Variants in AGMO observed in about 807,000 individuals in gnomAD.
AGMO encodes alkylglycerol monooxygenase.
In AGMO, 75 loss-of-function variants were observed where a neutral mutation model predicts 60.2. The ratio of observed to expected loss-of-function variants is 1.25; its 90% CI spans 1.03 to 1.51. AGMO has a LOEUF of 1.51. AGMO is among the 40% of genes most tolerant of loss of function. The pLI is 0.00. For synonymous variants in AGMO, 261 were observed against 177.1 expected (o/e 1.47, Z -3.76); for missense variants, 763 against 525.5 (o/e 1.45, Z -4.42).
At position 15,322,609 on chromosome 7, in the gene AGMO, TATAAATATATAAATATATATAA is replaced by T. The variant is rs1563086537; in HGVS notation, c.1263+42883_1263+42904del. Among the ~76,000 whole-genome samples the T allele has an allele frequency of 5.3e-4, 33 of 62,220 alleles. 5 individuals are homozygous for T. Among genetic ancestry groups the T allele is most frequent in the African/African-American group, 1.8e-3 (18 of 10,110 alleles). The allele number at this position is 62,220 out of a possible 152,430, so 40.8% of individuals were successfully genotyped here. On this transcript the variant is annotated intron_variant, in intron 12 of 12. Coordinates refer to ENST00000342526, the MANE Select transcript of AGMO (RefSeq NM_001004320.2). ...AAATATATAAATATATATAAATATATATAAATATATAAATATATATAAATATATATAAATATATAAATATATA... is the reference window on the plus strand; with the variant it reads ...AAATATATAAATATATATAAATATATATATATATAAATATATAAATATATA...
chr7:15,518,069 C>A (rs1183252100), intron 3 of AGMO, among the ~76,000 whole-genome samples: 3 of 152,146 alleles, frequency 2.0e-5, no homozygotes, highest in Non-Finnish European at 4.4e-5. Flanking sequence ...CTGGGCGGAG[C>A]CTACCGCAGC....
chr7:15,313,109 A>G (rs1323175660), intron 12 of AGMO, among the ~76,000 whole-genome samples: 3 of 152,338 alleles, frequency 2.0e-5, no homozygotes, highest in African/African-American at 7.2e-5. Context: ...AAACATAACT[A>G]AGATCAATGT....
intron 6 of AGMO, among the ~76,000 whole-genome samples, chr7:15,393,394 T>C (rs1784229967): frequency 6.6e-6 from 1 of 152,252 alleles, no homozygotes; most frequent in African/African-American, 2.4e-5. Flanking sequence ...TTCATGCCCT[T>C]GCATGTAGCA....
intron 3 of AGMO, among the ~76,000 whole-genome samples, chr7:15,494,247 C>T (rs568451485): frequency 6.6e-6 from 1 of 152,256 alleles, no homozygotes; most frequent in African/African-American, 2.4e-5. Context: ...AATAGAGGCT[C>T]ATCAAAATGA....
At chr7:15,143,915 C>A in the AGMO span, among the ~76,000 whole-genome samples, 3 of 152,056 alleles carry the variant, frequency 2.0e-5, no homozygotes, top group Non-Finnish European at 4.4e-5. Context: ...AGCCAGCGCA[C>A]TGTACATTTC....
chr7:15,271,141 T>C (rs1001430141), intron 12 of AGMO, among the ~76,000 whole-genome samples: 4 of 152,186 alleles, frequency 2.6e-5, no homozygotes, highest in African/African-American at 7.2e-5. Flanking sequence ...AGGACTGCTT[T>C]GGCTATTTTG....
At chr7:15,422,397 G>A (rs10274118) in intron 4 of AGMO, among the ~76,000 whole-genome samples, 25,415 of 151,890 alleles carry the variant, frequency 0.17, 2,310 homozygotes, top group Middle Eastern at 0.23. Flanking sequence ...AAAAAAAACA[G>A]TAAGGTAAGA....
chr7:15,330,451 T>C (rs1781465184), intron 12 of AGMO, among the ~76,000 whole-genome samples: 1 of 152,192 alleles, frequency 6.6e-6, no homozygotes, highest in Non-Finnish European at 1.5e-5. Context: ...ACTGATGACT[T>C]AGTAATACAA....
At chr7:15,325,302 A>G (rs1781301595) in intron 12 of AGMO, among the ~76,000 whole-genome samples, 1 of 152,142 alleles carries the variant, frequency 6.6e-6, no homozygotes, top group Non-Finnish European at 1.5e-5. Context: ...TCAAATATGT[A>G]CTTTCACACA....
chr7:15,471,668 C>A (rs888006716), intron 3 of AGMO, among the ~76,000 whole-genome samples: 1 of 151,846 alleles, frequency 6.6e-6, no homozygotes, highest in Non-Finnish European at 1.5e-5. Context: ...TGTTTCCAGG[C>A]TCATTCCAGC....
chr7:15,145,768 A>G, the AGMO span, among the ~76,000 whole-genome samples: 2 of 152,292 alleles, frequency 1.3e-5, no homozygotes, highest in African/African-American at 4.8e-5. Context: ...ATTCTGTAAC[A>G]GAAATTTAAT....
intron 3 of AGMO, among the ~76,000 whole-genome samples, chr7:15,525,826 C>G (rs1784114809): frequency 6.6e-6 from 1 of 152,152 alleles, no homozygotes; most frequent in Non-Finnish European, 1.5e-5. Context: ...AGGCTGCAGA[C>G]AGTGGGCTAA....
At chr7:15,258,774 C>A (rs1040564814) in intron 12 of AGMO, among the ~76,000 whole-genome samples, 2 of 152,054 alleles carry the variant, frequency 1.3e-5, no homozygotes, top group African/African-American at 4.8e-5. Flanking sequence ...TCGCCAGTAC[C>A]ATCCCAGAGC....
intron 12 of AGMO, chr7:15,306,571 T>TA (rs5882493): frequency 0.61 from 225,868 of 371,800 alleles, 50,657 homozygotes; most frequent in African/African-American, 0.79. Flanking sequence ...TATGACTGTG[T>TA]AAAAAAAAAA....
At chr7:15,215,108 G>A (rs1298419766) in intron 12 of AGMO, among the ~76,000 whole-genome samples, 1 of 151,988 alleles carries the variant, frequency 6.6e-6, no homozygotes, top group African/African-American at 2.4e-5. Context: ...TCGAATACTA[G>A]CATTTTCTTT....
intron 5 of AGMO, chr7:15,396,130 C>G (rs1784370271): frequency 6.6e-6 from 1 of 152,224 alleles, no homozygotes; most frequent in Non-Finnish European, 1.5e-5. Context: ...GAAATATTTG[C>G]ATGCAAAAGA....
At chr7:15,367,506 T>TA (rs575053428) in intron 10 of AGMO, among the ~76,000 whole-genome samples, 33 of 152,020 alleles carry the variant, frequency 2.2e-4, no homozygotes, top group Non-Finnish European at 4.7e-4. Context: ...ATCTAACTTT[T>TA]TCCATCATTA....
chr7:15,454,689 T>C (rs956759002), intron 3 of AGMO, among the ~76,000 whole-genome samples: 1 of 152,080 alleles, frequency 6.6e-6, no homozygotes, highest in African/African-American at 2.4e-5. Flanking sequence ...AATGTTCTCT[T>C]TTTAGTGTGC....
intron 4 of AGMO, among the ~76,000 whole-genome samples, chr7:15,429,787 C>T (rs1231946610): frequency 6.6e-6 from 1 of 151,958 alleles, no homozygotes; most frequent in African/African-American, 2.4e-5. Flanking sequence ...GCTTATAAAA[C>T]ATCTGGTTTC....
Sources: gnomAD v4.1 joint callset for allele counts (sites outside exome capture counted in the v4.1 genomes callset) on GRCh38, gnomAD v4.1.1 for gene constraint, MANE v1.5 for transcripts, NCBI Gene and HGNC (gene_info 2026-07-23, HGNC 2026-07-21) for gene names.